The following DOK3 variants were observed in gnomAD, a reference collection of about 807,000 sequenced individuals.
The protein encoded by DOK3 is docking protein 3.
A neutral mutation model predicts 26.2 loss-of-function variants in DOK3; 23 were observed. The observed-to-expected ratio is 0.88, with a 90% confidence interval of 0.63 to 1.24. The LOEUF (loss-of-function observed/expected upper bound fraction) is 1.24. Among genes scored for constraint, DOK3 ranks in the 50% most tolerant of loss-of-function variants. The probability of loss-of-function intolerance (pLI) is 0.00; values close to 1 mark genes in which losing one functional copy is unlikely to be tolerated. For synonymous variants in DOK3, 268 were observed against 268.2 expected (o/e 1.00, Z 0.01); for missense variants, 619 against 610.6 (o/e 1.01, Z -0.15).
chr5:177,508,125 CAG>C, intron 3 of DOK3, 110 bp downstream of exon 3: 1 of 1,280,596 alleles, frequency 7.8e-7, no homozygotes, highest in East Asian at 2.7e-5. Context: ...TTACTTTTCC[CAG>C]GCTTGTAGGT....
Position 177,502,891 on chromosome 5 carries a change from C to T in DOK3, c.*1092G>A, listed in dbSNP as rs1216262294. ...AAGAGGGGATGGTGGGCAGAGGCCT[C>T]GAAGAGCCAGAAAAGGGTCCCTGCA... On this transcript the variant is annotated 3_prime_UTR_variant, in exon 6 of 6. Coordinates refer to ENST00000510898, the MANE Select transcript of DOK3 (RefSeq NM_001308236.3). 12 of 644,794 alleles carry T rather than the reference C, an allele frequency of 1.9e-5. No individual in the cohort carries two copies. Among genetic ancestry groups the T allele is most frequent in the East Asian group, 2.8e-5 (1 of 36,288 alleles). The allele number at this position is 644,794 out of a possible 1,614,324, so 39.9% of individuals were successfully genotyped here.
rs1372791921 is a variant in DOK3 at position 177,509,753 on chromosome 5, C to T, written c.-118+5G>A. On this transcript the variant is annotated splice_donor_5th_base_variant and intron_variant, in intron 1 of 5. Transcript: ENST00000510898. ...GTTCTGGCTGCCCAAGGTGCCCACACCTACCTGGAGGGAGCCCCCGGCCAC... is the reference window on the plus strand; with the variant it reads ...GTTCTGGCTGCCCAAGGTGCCCACATCTACCTGGAGGGAGCCCCCGGCCAC... 4 of 1,612,410 alleles carry T rather than the reference C, an allele frequency of 2.5e-6. No homozygotes were observed. Among genetic ancestry groups the T allele is most frequent in the Non-Finnish European group, 3.4e-6 (4 of 1,179,882 alleles).
chr5:177,509,975 T>C (rs1040091126), upstream of DOK3: 1 of 1,305,208 alleles, frequency 7.7e-7, no homozygotes, highest in Admixed American at 2.1e-5. Context: ...CTCGGCGTCC[T>C]GGTTTGAGCG....
chr5:177,502,892 G>C lies in DOK3; in HGVS notation c.*1091C>G. On this transcript the variant is annotated 3_prime_UTR_variant, in exon 6 of 6. Transcript: ENST00000510898. ...AGAGGGGATGGTGGGCAGAGGCCTC[G>C]AAGAGCCAGAAAAGGGTCCCTGCAG... 2 of 645,688 alleles carry C rather than the reference G, an allele frequency of 3.1e-6. No individual in the cohort carries two copies. The highest frequency in any genetic ancestry group is 3.0e-5 in the Admixed American group (1 of 33,650). The allele number at this position is 645,688 out of a possible 1,614,324, so 40.0% of individuals were successfully genotyped here.
chr5:177,502,730 T>C lies in DOK3; in HGVS notation c.*1253A>G. 2 of 345,074 alleles carry C rather than the reference T, an allele frequency of 5.8e-6. No homozygotes were observed. Among genetic ancestry groups the C allele is most frequent in the Non-Finnish European group, 1.1e-5 (2 of 187,584 alleles). 21.4% of individuals were successfully genotyped at this position (345,074 alleles called of 1,614,324 possible). On this transcript the variant is annotated 3_prime_UTR_variant, in exon 6 of 6. Coordinates refer to ENST00000510898, the MANE Select transcript of DOK3 (RefSeq NM_001308236.3). ...ACTGTTAAGAAGGATGCAGGCAGTCTGCTTAAATGGATTTCTCTGGCTGTG... is the reference window on the plus strand; with the variant it reads ...ACTGTTAAGAAGGATGCAGGCAGTCCGCTTAAATGGATTTCTCTGGCTGTG...
At position 177,503,309 on chromosome 5, in the gene DOK3, CTCA is replaced by C; in HGVS notation, c.*671_*673del. On this transcript the variant is annotated 3_prime_UTR_variant, in exon 6 of 6. Transcript: ENST00000510898. The stretch of plus-strand genomic sequence containing the variant: ...GCACTGAGTAGGCACGCAGCAAACT[CTCA>C]TCAAGGATTATGCCTGATACGTCAT... 1 of 1,551,444 alleles carries C rather than the reference CTCA, an allele frequency of 6.4e-7. No homozygotes were observed. Among genetic ancestry groups the C allele is most frequent in the Non-Finnish European group, 8.7e-7 (1 of 1,146,692 alleles).
rs1693498263 is a variant in DOK3, at chr5:177,503,588, C to T, written c.*395G>A. On this transcript the variant is annotated 3_prime_UTR_variant, in exon 6 of 6. Transcript: ENST00000510898. ...TCCCTCCGCCTGCCTCTTCGTGTCA[C>T]TCGGCCGTGCAGAGCAACATGGAGT... 1.5e-6 allele frequency: 2 copies of T among 1,302,896 alleles called. No individual in the cohort carries two copies. Among genetic ancestry groups the T allele is most frequent in the Admixed American group, 2.9e-5 (1 of 34,278 alleles). 80.7% of individuals were successfully genotyped at this position (1,302,896 alleles called of 1,614,324 possible). A position where few individuals can be genotyped will look rare whatever the true frequency, so the allele number is the denominator to read the frequency against.
intron 3 of DOK3, 48 bp downstream of exon 3, chr5:177,508,189 C>T (rs143751041): frequency 0.019 from 27,218 of 1,399,230 alleles, 343 homozygotes; most frequent in Non-Finnish European, 0.023. Context: ...GTGGACAAGT[C>T]GGGGGCAGGT....
Position 177,503,594 on chromosome 5 carries a change from C to G in DOK3, c.*389G>C, listed in dbSNP as rs1004650395. On this transcript the variant is annotated 3_prime_UTR_variant, in exon 6 of 6. Coordinates refer to ENST00000510898, the MANE Select transcript of DOK3 (RefSeq NM_001308236.3). ...CGCCTGCCTCTTCGTGTCACTCGGCCGTGCAGAGCAACATGGAGTCCTAAT... is the reference window on the plus strand; with the variant it reads ...CGCCTGCCTCTTCGTGTCACTCGGCGGTGCAGAGCAACATGGAGTCCTAAT... 4.7e-6 allele frequency: 6 copies of G among 1,289,370 alleles called. No individual in the cohort carries two copies. The South Asian group carries it at 8.0e-5, about 17-fold the overall frequency. The allele number at this position is 1,289,370 out of a possible 1,614,324, so 79.9% of individuals were successfully genotyped here.
Position 177,502,852 on chromosome 5 carries a change from G to C in DOK3, c.*1131C>G. 1 of 594,410 alleles carries C rather than the reference G, an allele frequency of 1.7e-6. No individual in the cohort carries two copies. Among genetic ancestry groups the C allele is most frequent in the Non-Finnish European group, 3.0e-6 (1 of 337,806 alleles). The allele number at this position is 594,410 out of a possible 1,614,324, so 36.8% of individuals were successfully genotyped here. A position where few individuals can be genotyped will look rare whatever the true frequency, so the allele number is the denominator to read the frequency against. On this transcript the variant is annotated 3_prime_UTR_variant, in exon 6 of 6. Transcript: ENST00000510898. ...GAAACGAGAGAGAACAGGGGGAAGGGACTATGGAGAACAAAGAGGGGATGG... is the reference window on the plus strand; with the variant it reads ...GAAACGAGAGAGAACAGGGGGAAGGCACTATGGAGAACAAAGAGGGGATGG...
chr5:177,508,089 A>G, intron 3 of DOK3, 148 bp downstream of exon 3: 1 of 1,063,310 alleles, frequency 9.4e-7, no homozygotes, highest in Non-Finnish European at 1.3e-6. Flanking sequence ...CATGGCACGC[A>G]CGGCCCTCTG....
Position 177,502,941 on chromosome 5 carries a change from G to T in DOK3, c.*1042C>A. ...AGGTCGACATGCCTAGGCAGGGGCG[G>T]TACTGGCCGCACTAAAGGAAGTGAG... On this transcript the variant is annotated 3_prime_UTR_variant, in exon 6 of 6. Coordinates refer to ENST00000510898, the MANE Select transcript of DOK3 (RefSeq NM_001308236.3). 1 of 1,064,462 alleles carries T rather than the reference G, an allele frequency of 9.4e-7. No individual in the cohort carries two copies. 65.9% of individuals were successfully genotyped at this position (1,064,462 alleles called of 1,614,324 possible).
chr5:177,504,035 G>C lies in DOK3; in HGVS notation c.1271C>G (p.Thr424Ser). ...CTTCCTCCGCTCACGACTCAGCAGG[G>C]TCACCAGCTTGGCCTTGAAACCTGC... ...PQAGFKAKLV[T>S]LLSRERRKGP... The change falls in exon 6 of 6, where the codon ACC (threonine) becomes AGC (serine). Residue 424 changes from threonine (T) to serine (S), a missense_variant. Thr to Ser is a moderately conservative substitution (Grantham distance 58). Transcript: ENST00000510898. The C allele has an allele frequency of 6.3e-7, 1 of 1,590,390 alleles. No homozygotes were observed. Among genetic ancestry groups the C allele is most frequent in the East Asian group, 2.3e-5 (1 of 43,522 alleles).
In DOK3 at chr5:177,503,441, T is replaced by C. The variant is rs1759569927; in HGVS notation, c.*542A>G. The C allele has an allele frequency of 6.7e-6, 10 of 1,495,806 alleles. No individual in the cohort carries two copies. The highest frequency in any genetic ancestry group is 9.0e-6 in the Non-Finnish European group (10 of 1,114,530). The allele number at this position is 1,495,806 out of a possible 1,614,324, so 92.7% of individuals were successfully genotyped here. On this transcript the variant is annotated 3_prime_UTR_variant, in exon 6 of 6. Transcript: ENST00000510898. ...AGGGAACAAGTGTTTTGGACGAGGG[T>C]GTCTCTGAAATCCCTTCCACCTGCA...
In DOK3 at chr5:177,504,017, C is replaced by A; in HGVS notation, c.1289G>T (p.Arg430Leu). ...AKLVTLLSRE[R>L]RKGPAPCDRP is the part of the protein sequence containing the mutation. ...GTCACAAGGGGCTGGGCCCTTCCTC[C>A]GCTCACGACTCAGCAGGGTCACCAG... The change falls in exon 6 of 6, where the codon CGG becomes CTG. Residue 430 changes from arginine (R) to leucine (L), a missense_variant. By Grantham distance (102) the Arg-to-Leu change is moderately radical. Coordinates refer to ENST00000510898, the MANE Select transcript of DOK3 (RefSeq NM_001308236.3). 1 of 1,569,006 alleles carries A rather than the reference C, an allele frequency of 6.4e-7. No individual in the cohort carries two copies. The highest frequency in any genetic ancestry group is 8.6e-7 in the Non-Finnish European group (1 of 1,157,324).
chr5:177,508,875 T>G, intron 2 of DOK3: 1 of 306,772 alleles, frequency 3.3e-6, no homozygotes, highest in Non-Finnish European at 6.0e-6. Context: ...TTATATTGGT[T>G]CCCTCTCACC....
chr5:177,508,616 G>A, intron 2 of DOK3, 74 bp from the exon 3 acceptor site: 1 of 1,413,554 alleles, frequency 7.1e-7, no homozygotes, highest in South Asian at 1.5e-5. Context: ...AGCACAAGCT[G>A]CTCGGCAAAC....
chr5:177,509,708 G>A, intron 1 of DOK3, 50 bp downstream of exon 1: 1 of 1,607,806 alleles, frequency 6.2e-7, no homozygotes, highest in South Asian at 1.1e-5. Context: ...GCTGGGGGCA[G>A]CATGTATTTC....
In DOK3 at chr5:177,504,593, G is replaced by C. The variant is rs61749657; in HGVS notation, c.713C>G (p.Pro238Arg). The change falls in exon 6 of 6, where the codon CCC (proline) becomes CGC (arginine). Residue 238 changes from proline to arginine, a missense_variant. By Grantham distance (103) the Pro-to-Arg change is moderately radical (BLOSUM62 -2). Transcript: ENST00000510898. ...AGCCCTGCACAGGTCAGGGGCACAGGGGGTGCTGAAGGCAAAGAGGCCCTC... is the reference window on the plus strand; with the variant it reads ...AGCCCTGCACAGGTCAGGGGCACAGCGGGTGCTGAAGGCAAAGAGGCCCTC... ...SGEGLFAFST[P>R]CAPDLCRAVA... 88,439 of 1,608,358 alleles carry C rather than the reference G, an allele frequency of 0.055. 2,641 individuals are homozygous for C. Among genetic ancestry groups the C allele is most frequent in the Admixed American group, 0.1 (6,158 of 59,180 alleles).
Sources: allele counts gnomAD v4.1 joint callset, GRCh38; gene constraint gnomAD v4.1.1; transcripts MANE v1.5; gene names NCBI Gene and HGNC (gene_info 2026-07-23, HGNC 2026-07-21).